Variants in SQOR observed in about 807,000 individuals in gnomAD.
SQOR encodes the protein sulfide:quinone oxidoreductase, mitochondrial.
A neutral mutation model predicts 48.6 loss-of-function variants in SQOR; 39 were observed. The ratio of observed to expected loss-of-function variants is 0.80; its 90% CI spans 0.62 to 1.05. The LOEUF (loss-of-function observed/expected upper bound fraction) is 1.05, where lower values mean the gene tolerates loss of function less well. Ranked by LOEUF, SQOR falls within the 50% of genes least tolerant of loss-of-function variation. SQOR has a pLI of 0.00. For synonymous variants in SQOR, 220 were observed against 206.2 expected (o/e 1.07, Z -0.57); for missense variants, 561 against 559.9 (o/e 1.00, Z -0.02).
intron 7 of SQOR, 132 bp from the exon 8 acceptor site, chr15:45,688,205 G>A: frequency 1.6e-6 from 1 of 613,216 alleles, no homozygotes; most frequent in Non-Finnish European, 2.8e-6. Context: ...TTAGTAAGAA[G>A]GTCATGTTCT....
chr15:45,657,616 C>A (rs1889634713), intron 1 of SQOR, among the ~76,000 whole-genome samples: 1 of 152,124 alleles, frequency 6.6e-6, no homozygotes, highest in African/African-American at 2.4e-5. Context: ...TTAATCTTAA[C>A]AGCCCCTCAG....
intron 5 of SQOR, among the ~76,000 whole-genome samples, chr15:45,674,740 G>A (rs144249377): frequency 4.5e-4 from 69 of 152,330 alleles, no homozygotes; most frequent in African/African-American, 1.6e-3. Flanking sequence ...CTGTGTAAGA[G>A]CAGTTGTCTG....
rs190101387 is a variant in SQOR, at chr15:45,676,251, G to A, written c.805G>A (p.Asp269Asn). ...GAAAAACCTCATTGAAGTCCGAGCCGATAAACAAGAGGCTGTATTTGAGAA... is the reference window on the plus strand; with the variant it reads ...GAAAAACCTCATTGAAGTCCGAGCCAATAAACAAGAGGCTGTATTTGAGAA... Reference protein sequence around the residue: ...YKKNLIEVRADKQEAVFENLD... With the variant: ...YKKNLIEVRANKQEAVFENLD... The change falls in exon 6 of 10, where the codon GAT (aspartate) becomes AAT (asparagine). Residue 269 changes from aspartate to asparagine, a missense_variant. Transcript: ENST00000260324. 20 of 1,614,094 alleles carry A rather than the reference G, an allele frequency of 1.2e-5. No individual in the cohort carries two copies. The highest frequency in any genetic ancestry group is 8.9e-5 in the East Asian group (4 of 44,882).
chr15:45,663,121 G>A (rs1258475341), intron 3 of SQOR, among the ~76,000 whole-genome samples: 7 of 152,188 alleles, frequency 4.6e-5, no homozygotes, highest in Admixed American at 3.3e-4. Flanking sequence ...GGGTTCAAGC[G>A]ATTCTCCCAC....
Position 45,691,219 on chromosome 15 carries a change from G to T in SQOR, c.*189G>T. 1 of 532,172 alleles carries T rather than the reference G, an allele frequency of 1.9e-6. No individual in the cohort carries two copies. The highest frequency in any genetic ancestry group is 3.1e-5 in the South Asian group (1 of 32,668). The allele number at this position is 532,172 out of a possible 1,614,324, so 33.0% of individuals were successfully genotyped here. ...CATGTGGGCTACTCATGATGGGCTT[G>T]ATTCTTTGGGAATAATAAAATGAAA... On this transcript the variant is annotated 3_prime_UTR_variant, in exon 10 of 10. Transcript: ENST00000260324.
chr15:45,647,514 A>G (rs1461858328), intron 1 of SQOR, among the ~76,000 whole-genome samples: 1 of 151,774 alleles, frequency 6.6e-6, no homozygotes, highest in Non-Finnish European at 1.5e-5. Context: ...TTTAGTAGAG[A>G]TGGGGTTTCG....
At chr15:45,677,694 TG>T (rs1424453936) in intron 6 of SQOR, among the ~76,000 whole-genome samples, 1 of 152,148 alleles carries the variant, frequency 6.6e-6, no homozygotes, top group Non-Finnish European at 1.5e-5. Flanking sequence ...GGCTTTGATA[TG>T]TATTTATTTA....
At chr15:45,641,172 C>T (rs910844035) in intron 1 of SQOR, among the ~76,000 whole-genome samples, 5 of 152,026 alleles carry the variant, frequency 3.3e-5, no homozygotes, top group African/African-American at 4.8e-5. Flanking sequence ...GTGTTTTCTG[C>T]TTAGCAATTG....
chr15:45,676,447 T>C (rs1890038891), intron 6 of SQOR, 137 bp downstream of exon 6: 4 of 922,910 alleles, frequency 4.3e-6, no homozygotes, highest in South Asian at 1.7e-5. Context: ...CTTAGGGAAG[T>C]GTTAGGGCAA....
At chr15:45,667,981 G>C (rs1388953613) in intron 3 of SQOR, among the ~76,000 whole-genome samples, 1 of 116,360 alleles carries the variant, frequency 8.6e-6, no homozygotes, top group Non-Finnish European at 1.6e-5. Flanking sequence ...GTCTCTCACT[G>C]TCACCCATGC....
rs556845477 is a variant in SQOR, at chr15:45,635,476, TG to T, written c.-18+371del. On this transcript the variant is annotated intron_variant, in intron 1 of 9. Coordinates refer to ENST00000260324, the MANE Select transcript of SQOR (RefSeq NM_021199.4). The stretch of plus-strand genomic sequence containing the variant: ...ACTCGGCACCGTCCTGGAGCGGGAG[TG>T]GGTGCTCGGCGTCCGGGGGCCAGGG... Among the ~76,000 whole-genome samples, 3 of 151,732 alleles carry T rather than the reference TG, an allele frequency of 2.0e-5. No individual in the cohort carries two copies. In the South Asian group the frequency reaches 6.3e-4, roughly 32 times the overall value.
At chr15:45,669,591 TA>T (rs1372199421) in intron 3 of SQOR, among the ~76,000 whole-genome samples, 1 of 152,192 alleles carries the variant, frequency 6.6e-6, no homozygotes, top group Non-Finnish European at 1.5e-5. Context: ...TGTAAACACA[TA>T]GCTGTCTCAA....
chr15:45,688,146 G>T (rs1051103192), intron 7 of SQOR, among the ~76,000 whole-genome samples, 191 bp from the exon 8 acceptor site: 1 of 152,262 alleles, frequency 6.6e-6, no homozygotes, highest in South Asian at 2.1e-4. Context: ...AAACACATGC[G>T]CAGGCCTTCC....
intron 6 of SQOR, among the ~76,000 whole-genome samples, chr15:45,678,689 T>A (rs1244795006): frequency 1.3e-5 from 2 of 152,156 alleles, no homozygotes; most frequent in African/African-American, 2.4e-5. Context: ...ACTGGAATGT[T>A]TGGAGCTAGT....
intron 2 of SQOR, among the ~76,000 whole-genome samples, chr15:45,661,682 C>G (rs1462094520): frequency 6.6e-6 from 1 of 152,156 alleles, no homozygotes; most frequent in Admixed American, 6.5e-5. Flanking sequence ...AACACCAAAT[C>G]AACTTTCAGC....
intron 6 of SQOR, among the ~76,000 whole-genome samples, chr15:45,681,652 A>C (rs1177984619): frequency 6.6e-6 from 1 of 152,226 alleles, no homozygotes; most frequent in Non-Finnish European, 1.5e-5. Flanking sequence ...AACTGGACCC[A>C]CTAGCAAATT....
chr15:45,675,210 C>T (rs1008771506), intron 5 of SQOR, among the ~76,000 whole-genome samples: 2 of 152,108 alleles, frequency 1.3e-5, no homozygotes, highest in Non-Finnish European at 2.9e-5. Context: ...CTGGAAACTT[C>T]TTTGTGTAAC....
intron 1 of SQOR, among the ~76,000 whole-genome samples, chr15:45,643,238 C>T (rs566258567): frequency 6.6e-6 from 1 of 152,284 alleles, no homozygotes; most frequent in South Asian, 2.1e-4. Context: ...CTCTGTCACC[C>T]AGGCTGGAGT....
At position 45,676,178 on chromosome 15, in the gene SQOR, T is replaced by C. The variant is rs1346769946; in HGVS notation, c.732T>C (p.Asp244=). ...GAIFGVKKYA[D]ALQEIIQERN... is the part of the protein sequence containing the mutation. ...TTTTCGGGGTTAAGAAGTATGCAGA[T>C]GCCCTGCAGGAGATCATCCAGGAGC... Residue 244 remains aspartate (D), a synonymous_variant, in exon 6 of 10, where the codon GAT becomes GAC. Coordinates refer to ENST00000260324, the MANE Select transcript of SQOR (RefSeq NM_021199.4). The C allele has an allele frequency of 2.5e-6, 4 of 1,614,228 alleles. No individual in the cohort carries two copies. Among genetic ancestry groups the C allele is most frequent in the Non-Finnish European group, 3.4e-6 (4 of 1,180,040 alleles).
Sources: allele counts gnomAD v4.1 joint callset (sites outside exome capture counted in the v4.1 genomes callset), GRCh38; gene constraint gnomAD v4.1.1; transcripts MANE v1.5; gene names NCBI Gene and HGNC (gene_info 2026-07-23, HGNC 2026-07-21).